The following FRMPD1 variants were observed in gnomAD, a reference collection of about 807,000 sequenced individuals.
FRMPD1 encodes the protein FERM and PDZ domain-containing protein 1.
Under a neutral mutation model 117.8 loss-of-function variants are expected in FRMPD1, and 76 were observed. The ratio of observed to expected loss-of-function variants is 0.65; its 90% CI spans 0.54 to 0.78. The LOEUF (loss-of-function observed/expected upper bound fraction) is 0.78. Ranked by LOEUF, FRMPD1 falls within the 30% of genes least tolerant of loss-of-function variation. The pLI is 0.00. For synonymous variants in FRMPD1, 783 were observed against 770.4 expected, an observed-to-expected ratio of 1.02 and a Z score of -0.27; for missense variants, 1,786 against 1,964.5, an observed-to-expected ratio of 0.91 and a Z score of 1.72.
At chr9:37,687,786 A>C (rs894767579) in intron 1 of FRMPD1, among the ~76,000 whole-genome samples, 4 of 152,242 alleles carry the variant, frequency 2.6e-5, no homozygotes, top group Admixed American at 6.5e-5. Flanking sequence ...GTAAAGTAAT[A>C]AGAAGTAAAT....
intron 1 of FRMPD1, among the ~76,000 whole-genome samples, chr9:37,655,496 C>CTTTTTTT (rs10615941): frequency 1.5e-4 from 13 of 88,598 alleles, no homozygotes; most frequent in Non-Finnish European, 2.1e-4. Context: ...TGTCCCCACT[C>CTTTTTTT]TTTTTTTTTT....
chr9:37,717,341 A>ATATGTGTGTG (rs1491570014), intron 5 of FRMPD1, among the ~76,000 whole-genome samples: 7 of 120,170 alleles, frequency 5.8e-5, no homozygotes, highest in South Asian at 2.5e-4. Flanking sequence ...ATGTGTATAT[A>ATATGTGTGTG]TGTGTGTGTG....
the FRMPD1 span, among the ~76,000 whole-genome samples, chr9:37,622,176 C>T: frequency 1.3e-5 from 2 of 152,156 alleles, no homozygotes; most frequent in East Asian, 3.8e-4. Flanking sequence ...TGTCTGGGAG[C>T]CATATTGGAT....
At chr9:37,689,395 T>C (rs1488742753) in intron 1 of FRMPD1, among the ~76,000 whole-genome samples, 5 of 152,186 alleles carry the variant, frequency 3.3e-5, no homozygotes, top group Non-Finnish European at 7.4e-5. Context: ...TTTGATCTGC[T>C]TAGTTTTTCA....
At chr9:37,620,796 G>A in the FRMPD1 span, among the ~76,000 whole-genome samples, 1 of 151,760 alleles carries the variant, frequency 6.6e-6, no homozygotes, top group Non-Finnish European at 1.5e-5. Context: ...CAGGCCCTGT[G>A]TACTAGGAAG....
chr9:37,693,558 A>G (rs1373883300), intron 2 of FRMPD1, among the ~76,000 whole-genome samples: 3 of 152,184 alleles, frequency 2.0e-5, no homozygotes, highest in African/African-American at 7.2e-5. Flanking sequence ...CCTTTTACAG[A>G]TGAAACACCT....
chr9:37,726,313 C>T (rs1823613615), intron 7 of FRMPD1, among the ~76,000 whole-genome samples: 1 of 152,262 alleles, frequency 6.6e-6, no homozygotes, highest in East Asian at 1.9e-4. Context: ...TTTCTCTAAA[C>T]CAAGAAAAAG....
At chr9:37,736,728 G>A (rs1318440137) in intron 13 of FRMPD1, among the ~76,000 whole-genome samples, 1 of 151,958 alleles carries the variant, frequency 6.6e-6, no homozygotes, top group East Asian at 1.9e-4. Context: ...AAGTCCCTCT[G>A]CAGGAATGAA....
intron 9 of FRMPD1, 84 bp downstream of exon 9, chr9:37,731,187 C>A (rs1273862266): frequency 8.7e-7 from 1 of 1,150,898 alleles, no homozygotes; most frequent in Non-Finnish European, 1.3e-6. Context: ...AGCTCGAGGC[C>A]ATTAAACAAC....
Position 37,746,779 on chromosome 9 carries a change from C to A in FRMPD1, c.*10C>A. ...ATCCACGGCCCTGTAAACAGGTCAA[C>A]GGCCCAAGGGCCTCCTGCCCTGTCC... On this transcript the variant is annotated 3_prime_UTR_variant, in exon 16 of 16. Coordinates refer to ENST00000377765, the MANE Select transcript of FRMPD1 (RefSeq NM_014907.3). 3 of 1,600,340 alleles carry A rather than the reference C, an allele frequency of 1.9e-6. No homozygotes were observed. Among genetic ancestry groups the A allele is most frequent in the Non-Finnish European group, 2.6e-6 (3 of 1,168,110 alleles).
In FRMPD1 at chr9:37,733,763, T is replaced by A; in HGVS notation, c.1156T>A (p.Tyr386Asn). The A allele has an allele frequency of 1.2e-6, 2 of 1,608,418 alleles. No individual in the cohort carries two copies. Among genetic ancestry groups the A allele is most frequent in the Non-Finnish European group, 1.7e-6 (2 of 1,174,772 alleles). ...TTCTGCTGCCCAGCTACGTTTAAAT[T>A]ATCTACAGATCCTCGGAGAACTCAA... ...LISAAQLRLN[Y>N]LQILGELKTY... The change falls in exon 12 of 16, where the codon TAT (tyrosine) becomes AAT (asparagine). Residue 386 changes from tyrosine (Y) to asparagine (N), a missense_variant. Tyr to Asn is a moderately radical substitution (Grantham distance 143). Coordinates refer to ENST00000377765, the MANE Select transcript of FRMPD1 (RefSeq NM_014907.3).
the FRMPD1 span, among the ~76,000 whole-genome samples, chr9:37,615,254 AG>A: frequency 2.0e-5 from 3 of 152,076 alleles, no homozygotes; most frequent in Non-Finnish European, 2.9e-5. Context: ...CTGGGACCAC[AG>A]GCATACCATG....
At chr9:37,666,854 A>T (rs1372697229) in intron 1 of FRMPD1, among the ~76,000 whole-genome samples, 2 of 152,080 alleles carry the variant, frequency 1.3e-5, no homozygotes, top group Admixed American at 6.6e-5. Flanking sequence ...TAGCTTTCTG[A>T]GGTACAGAGT....
At chr9:37,638,040 T>TTCTTTGTTTCTTTCTTTCTTTCTTTC in the FRMPD1 span, among the ~76,000 whole-genome samples, 1 of 145,636 alleles carries the variant, frequency 6.9e-6, no homozygotes, top group Non-Finnish European at 1.5e-5. Context: ...CTTTCTTCCT[T>TTCTTTGTTTCTTTCTTTCTTTCTTTC]TCTTTCTTTC....
In FRMPD1 at chr9:37,707,478, G is replaced by A. The variant is rs139830645; in HGVS notation, c.164G>A (p.Arg55Gln). 7.9e-4 allele frequency: 1,275 copies of A among 1,613,874 alleles called. 7 individuals carry two copies. In the African/African-American group the frequency reaches 0.016, roughly 20 times the overall value. ...RNPTQTLIPV[R>Q]HTVKIDKDTL... The stretch of plus-strand genomic sequence containing the variant: ...CCAACTCAGACCCTCATCCCTGTGC[G>A]ACACACAGTAAAGATAGACAAAGAC... The change falls in exon 3 of 16, where the codon CGA becomes CAA. Residue 55 changes from arginine (R) to glutamine (Q), a missense_variant. Coordinates refer to ENST00000377765, the MANE Select transcript of FRMPD1 (RefSeq NM_014907.3).
At position 37,745,347 on chromosome 9, in the gene FRMPD1, A is replaced by G; in HGVS notation, c.3315A>G (p.Gln1105=). 6.2e-7 allele frequency: 1 copy of G among 1,613,650 alleles called. No homozygotes were observed. Among genetic ancestry groups the G allele is most frequent in the South Asian group, 1.1e-5 (1 of 91,088 alleles). Residue 1105 remains glutamine, a synonymous_variant, in exon 16 of 16, where the codon CAA becomes CAG. Transcript: ENST00000377765. Reference sequence around the variant, plus strand: ...CTATCCCTACAAAGGAAGAGCCACAAGGACAACTATCTCTGGAAAGAGACA... The same window carrying G: ...CTATCCCTACAAAGGAAGAGCCACAGGGACAACTATCTCTGGAAAGAGACA... ...IASIPTKEEP[Q]GQLSLERDRE... is the part of the protein sequence containing the mutation.
chr9:37,637,102 C>T, the FRMPD1 span: 58 of 1,586,896 alleles, frequency 3.7e-5, no homozygotes, highest in Middle Eastern at 1.7e-4. Flanking sequence ...CCTGGCCCGC[C>T]GTGTCCCAGA....
intron 7 of FRMPD1, among the ~76,000 whole-genome samples, chr9:37,725,474 A>G (rs1823581694): frequency 6.6e-6 from 1 of 152,204 alleles, no homozygotes. Flanking sequence ...ACATATGTAC[A>G]ATGTACATAC....
chr9:37,640,590 G>T, the FRMPD1 span, among the ~76,000 whole-genome samples: 6 of 152,286 alleles, frequency 3.9e-5, no homozygotes, highest in Non-Finnish European at 8.8e-5. Context: ...GCTCTGGAAG[G>T]TCGGGCTAGG....
Sources: gnomAD v4.1 joint callset for allele counts (sites outside exome capture counted in the v4.1 genomes callset) on GRCh38, gnomAD v4.1.1 for gene constraint, MANE v1.5 for transcripts, NCBI Gene and HGNC (gene_info 2026-07-23, HGNC 2026-07-21) for gene names.